NAV3: variants seen among roughly 807,000 people sequenced by gnomAD.
NAV3 encodes neuron navigator 3.
NAV3 carries 87 observed loss-of-function variants against 244.7 expected under a neutral mutation model. The observed-to-expected ratio is 0.36, with a 90% CI of 0.30 to 0.42. The LOEUF (loss-of-function observed/expected upper bound fraction) is 0.42, where lower values mean the gene tolerates loss of function less well. Among genes scored for constraint, NAV3 ranks in the 20% least tolerant of loss-of-function variants. NAV3 has a pLI of 1.00. For synonymous variants in NAV3, 1,126 were observed against 1,042.2 expected (o/e 1.08, Z -1.55); for missense variants, 2,663 against 2,893.3 (o/e 0.92, Z 1.83).
intron 5 of NAV3, among the ~76,000 whole-genome samples, chr12:77,971,900 T>G (rs934702767): frequency 6.6e-6 from 1 of 152,324 alleles, no homozygotes; most frequent in East Asian, 1.9e-4. Context: ...GGCATAATTC[T>G]ACATATTTCC....
Position 78,027,189 on chromosome 12 carries a change from A to G in NAV3, c.2023+5327A>G, listed in dbSNP as rs192821098. ...GGTGGCTCATACCTGGAATAGCAGCACTTTAGGAGACCAAGGCAGGACGAC... is the reference window on the plus strand; with the variant it reads ...GGTGGCTCATACCTGGAATAGCAGCGCTTTAGGAGACCAAGGCAGGACGAC... On this transcript the variant is annotated intron_variant, in intron 9 of 39. Transcript: ENST00000397909. Among the ~76,000 whole-genome samples, 191 of 152,166 alleles carry G rather than the reference A, an allele frequency of 1.3e-3. 1 individual carries two copies. The highest frequency in any genetic ancestry group is 4.5e-3 in the African/African-American group (187 of 41,506).
intron 1 of NAV3, among the ~76,000 whole-genome samples, chr12:77,869,212 T>G (rs988931818): frequency 8.7e-5 from 13 of 149,802 alleles, no homozygotes; most frequent in African/African-American, 2.9e-4. Context: ...TAGGATGAAT[T>G]GCCTAACCTA....
At position 77,890,434 on chromosome 12, in the gene NAV3, A is replaced by G. The variant is rs150445900; in HGVS notation, c.244-49885A>G. 4.7e-4 allele frequency among the ~76,000 whole-genome samples: 71 copies of G among 152,164 alleles called. No homozygotes were observed. In the East Asian group the frequency reaches 0.012, roughly 25 times the overall value. On this transcript the variant is annotated intron_variant, in intron 1 of 39. Transcript: ENST00000397909. The stretch of plus-strand genomic sequence containing the variant: ...CCAGCCTCAGTTGAATTTTTTGATG[A>G]ATGCATTTCCTGAGGACTCTGCTAT...
At position 77,663,522 on chromosome 12, in the gene NAV3, C is replaced by CTTTT. The variant is rs4017472; in HGVS notation, c.72+91269_72+91272dup. ...GCAGTATTTCTTTCTTCTTCTTCTTCTTTTTTTTTTTTTTTTGAGACAGAG... is the reference window on the plus strand; with the variant it reads ...GCAGTATTTCTTTCTTCTTCTTCTTCTTTTTTTTTTTTTTTTTTTTGAGACAGAG... On this transcript the variant is annotated intron_variant, in intron 2 of 8. Coordinates refer to the NAV3 transcript ENST00000550042. Among the ~76,000 whole-genome samples, 20 of 139,348 alleles carry CTTTT rather than the reference C, an allele frequency of 1.4e-4. 1 individual carries two copies. The highest frequency in any genetic ancestry group is 4.3e-4 in the African/African-American group (16 of 37,552). 91.4% of individuals were successfully genotyped at this position (139,348 alleles called of 152,430 possible).
chr12:77,641,976 C>T (rs1872435006), intron 2 of NAV3, among the ~76,000 whole-genome samples: 1 of 152,042 alleles, frequency 6.6e-6, no homozygotes, highest in South Asian at 2.1e-4. Flanking sequence ...CAGGTTCCCC[C>T]AAATAGAATC....
At chr12:77,921,187 A>G (rs1001200503) in intron 1 of NAV3, among the ~76,000 whole-genome samples, 1 of 152,084 alleles carries the variant, frequency 6.6e-6, no homozygotes, top group Non-Finnish European at 1.5e-5. Flanking sequence ...TTTGGTCATC[A>G]TAAATCTAGT....
intron 1 of NAV3, among the ~76,000 whole-genome samples, chr12:77,898,932 T>C (rs747014541): frequency 1.6e-4 from 24 of 152,278 alleles, no homozygotes; most frequent in Non-Finnish European, 3.2e-4. Context: ...TTGGAAGAAG[T>C]TGTTTCTAAC....
intron 2 of NAV3, among the ~76,000 whole-genome samples, chr12:77,657,972 C>T (rs1353131419): frequency 1.3e-5 from 2 of 152,056 alleles, no homozygotes; most frequent in African/African-American, 4.8e-5. Context: ...ATAATAAGAA[C>T]TATCTATGAC....
At chr12:78,199,557 A>G (rs753554432) in intron 37 of NAV3, 26 bp downstream of exon 37, 24 of 1,525,830 alleles carry the variant, frequency 1.6e-5, no homozygotes, top group South Asian at 1.3e-4. Context: ...ATAATATGCC[A>G]TTTTCCAGGA....
At chr12:78,022,308 G>A (rs985966154) in intron 9 of NAV3, among the ~76,000 whole-genome samples, 1 of 152,010 alleles carries the variant, frequency 6.6e-6, no homozygotes, top group Non-Finnish European at 1.5e-5. Context: ...TATAGATGAT[G>A]TAAGAAAAAA....
At chr12:78,189,256 A>C (rs984881688) in intron 33 of NAV3, among the ~76,000 whole-genome samples, 4 of 151,896 alleles carry the variant, frequency 2.6e-5, no homozygotes, top group Admixed American at 6.6e-5. Flanking sequence ...GATTAATTAT[A>C]GGCTAATGTA....
chr12:77,974,054 G>T (rs969512035), intron 5 of NAV3, among the ~76,000 whole-genome samples: 1 of 151,826 alleles, frequency 6.6e-6, no homozygotes, highest in East Asian at 1.9e-4. Context: ...GTGTGTGCAC[G>T]TGCACACACT....
chr12:78,175,545 A>G (rs1293419973), intron 25 of NAV3, 118 bp downstream of exon 25: 1 of 1,308,838 alleles, frequency 7.6e-7, no homozygotes, highest in Non-Finnish European at 1.0e-6. Context: ...CAAGCTACTG[A>G]GACCTCAAAT....
intron 2 of NAV3, among the ~76,000 whole-genome samples, chr12:77,637,785 A>G (rs1351994316): frequency 6.6e-6 from 1 of 152,206 alleles, no homozygotes; most frequent in Non-Finnish European, 1.5e-5. Flanking sequence ...GTATTACATT[A>G]TGTTTCATAA....
intron 23 of NAV3, among the ~76,000 whole-genome samples, chr12:78,164,902 A>C (rs1450147837): frequency 2.0e-5 from 3 of 152,116 alleles, no homozygotes; most frequent in Non-Finnish European, 4.4e-5. Context: ...TGGGATTCTC[A>C]ACAAAGTCTT....
intron 5 of NAV3, among the ~76,000 whole-genome samples, chr12:77,980,711 G>A (rs1189187027): frequency 6.6e-6 from 1 of 152,106 alleles, no homozygotes; most frequent in Non-Finnish European, 1.5e-5. Context: ...TTGAAAATGG[G>A]AAACATCCAC....
At chr12:77,861,342 T>C (rs1054558255) in intron 1 of NAV3, among the ~76,000 whole-genome samples, 5 of 151,882 alleles carry the variant, frequency 3.3e-5, no homozygotes, top group African/African-American at 1.2e-4. Context: ...GTCTTCTCTA[T>C]TATCATATGG....
intron 2 of NAV3, among the ~76,000 whole-genome samples, chr12:77,668,005 T>TA (rs1395546828): frequency 6.6e-6 from 1 of 152,136 alleles, no homozygotes; most frequent in Non-Finnish European, 1.5e-5. Context: ...TACCACCTGG[T>TA]AGCTCCACTG....
intron 2 of NAV3, among the ~76,000 whole-genome samples, chr12:77,629,726 C>T (rs1323069181): frequency 6.6e-6 from 1 of 152,134 alleles, no homozygotes; most frequent in Non-Finnish European, 1.5e-5. Context: ...TAAATATATG[C>T]CATGTAAACT....
Sources: gnomAD v4.1 joint callset for allele counts (sites outside exome capture counted in the v4.1 genomes callset) on GRCh38, gnomAD v4.1.1 for gene constraint, MANE v1.5 for transcripts, NCBI Gene and HGNC (gene_info 2026-07-23, HGNC 2026-07-21) for gene names.